The following ECE1 variants were observed in gnomAD, a reference collection of about 807,000 sequenced individuals.
The protein encoded by ECE1 is endothelin converting enzyme 1, also known as endothelin-converting enzyme 1.
In ECE1, 35 loss-of-function variants were observed where a neutral mutation model predicts 98.6. The observed-to-expected ratio is 0.35, with a 90% confidence interval of 0.27 to 0.47. The LOEUF (loss-of-function observed/expected upper bound fraction) is 0.47, where lower values mean the gene tolerates loss of function less well. Among genes scored for constraint, ECE1 ranks in the 20% least tolerant of loss-of-function variants. The pLI is 1.00. For missense variants in ECE1, 814 were observed against 1,025.3 expected, an observed-to-expected ratio of 0.79 and a Z score of 2.81; for synonymous variants, 394 against 407.1, an observed-to-expected ratio of 0.97 and a Z score of 0.39.
chr1:21,245,183 G>T, intron 9 of ECE1, 80 bp from the exon 10 acceptor site: 1 of 1,321,238 alleles, frequency 7.6e-7, no homozygotes, highest in Non-Finnish European at 1.1e-6. Flanking sequence ...GGCCCCTAGG[G>T]GGCTCTCAAA....
chr1:21,325,666 G>A (rs1329299377), intron 1 of ECE1, among the ~76,000 whole-genome samples: 1 of 152,226 alleles, frequency 6.6e-6, no homozygotes, highest in Non-Finnish European at 1.5e-5. Context: ...GGACACAATA[G>A]GACCCACTTC....
chr1:21,239,319 C>T (rs2098192772), intron 10 of ECE1, among the ~76,000 whole-genome samples: 2 of 152,216 alleles, frequency 1.3e-5, no homozygotes, highest in African/African-American at 4.8e-5. Flanking sequence ...CCTCTGTGGA[C>T]AGTATATATG....
intron 1 of ECE1, among the ~76,000 whole-genome samples, chr1:21,337,275 G>A (rs1639321326): frequency 6.6e-6 from 1 of 152,184 alleles, no homozygotes; most frequent in South Asian, 2.1e-4. Context: ...TGGTACAGGC[G>A]ACACGGACAA....
At chr1:21,243,470 C>T (rs1049537992) in intron 10 of ECE1, among the ~76,000 whole-genome samples, 2 of 151,946 alleles carry the variant, frequency 1.3e-5, no homozygotes, top group African/African-American at 2.4e-5. Flanking sequence ...CCACCTGTCT[C>T]GGCCTCTCAA....
intron 1 of ECE1, among the ~76,000 whole-genome samples, chr1:21,297,218 G>A (rs963799884): frequency 1.3e-5 from 2 of 152,200 alleles, no homozygotes; most frequent in Non-Finnish European, 2.9e-5. Flanking sequence ...GCCCTGGGGG[G>A]CACCGGGAAT....
In ECE1 at chr1:21,258,187, C is replaced by T. The variant is rs1467073541; in HGVS notation, c.762+506G>A. 6.6e-6 allele frequency among the ~76,000 whole-genome samples: 1 copy of T among 152,100 alleles called. No homozygotes were observed. Among genetic ancestry groups the T allele is most frequent in the Non-Finnish European group, 1.5e-5 (1 of 68,034 alleles). ...AGCTCTGAGAGGTTGAGGCACTTGC[C>T]CAAGGTCACACAGTGACTGAATGGT... is the stretch of plus-strand genomic sequence containing the variant. On this transcript the variant is annotated intron_variant, in intron 6 of 18. Transcript: ENST00000374893. This position sits in a 1 kb window ranked among gnomAD's most constrained non-coding sequence, Gnocchi z 4.2.
At chr1:21,302,433 C>T (rs1638506028) in intron 1 of ECE1, among the ~76,000 whole-genome samples, 1 of 152,194 alleles carries the variant, frequency 6.6e-6, no homozygotes, top group South Asian at 2.1e-4. Context: ...GATAACAGCT[C>T]ATATCTCAGA....
chr1:21,225,172 C>T lies in ECE1; in HGVS notation c.2040+78G>A, dbSNP rs536640742. Reference sequence around the variant, plus strand: ...GGCTGCTGCGCCTGCCCTGGTTGTCCGTGATGATCCTCTACGGACAGGCAT... The same window carrying T: ...GGCTGCTGCGCCTGCCCTGGTTGTCTGTGATGATCCTCTACGGACAGGCAT... On this transcript the variant is annotated intron_variant, in intron 17 of 18. Transcript: ENST00000374893. The surrounding 1 kb of genome is among the most constrained non-coding windows in gnomAD (Gnocchi z 5.3). The T allele has an allele frequency of 3.1e-4, 480 of 1,562,100 alleles. No individual in the cohort carries two copies. Among genetic ancestry groups the T allele is most frequent in the Non-Finnish European group, 4.0e-4 (453 of 1,144,552 alleles).
intron 1 of ECE1, among the ~76,000 whole-genome samples, chr1:21,321,326 C>T (rs1298847080): frequency 1.3e-5 from 2 of 152,180 alleles, no homozygotes; most frequent in Non-Finnish European, 2.9e-5. Context: ...GGAAGATACA[C>T]AAAGAGGGGC....
intron 2 of ECE1, among the ~76,000 whole-genome samples, chr1:21,281,051 G>A (rs2098253876): frequency 6.6e-6 from 1 of 152,170 alleles, no homozygotes; most frequent in African/African-American, 2.4e-5. Flanking sequence ...TTAGCCAGGA[G>A]TGGTGACAGG....
chr1:21,222,313 C>G (rs2098168551), intron 17 of ECE1, among the ~76,000 whole-genome samples: 1 of 152,180 alleles, frequency 6.6e-6, no homozygotes, highest in Non-Finnish European at 1.5e-5. Flanking sequence ...CTCCGCTCCC[C>G]CTTCCCATTG....
rs765051785 is a variant in ECE1, at chr1:21,219,656, T to C, written c.*299A>G. 1 of 472,112 alleles carries C rather than the reference T, an allele frequency of 2.1e-6. No individual in the cohort carries two copies. Among genetic ancestry groups the C allele is most frequent in the South Asian group, 2.7e-5 (1 of 37,334 alleles). 29.2% of individuals were successfully genotyped at this position (472,112 alleles called of 1,614,324 possible). A position where few individuals can be genotyped will look rare whatever the true frequency, so the allele number is the denominator to read the frequency against. ...AAAGCATTTGACACAGTGGTATTTGTGGCGTATCTGGCGCTTGTCAGTGTG... is the reference window on the plus strand; with the variant it reads ...AAAGCATTTGACACAGTGGTATTTGCGGCGTATCTGGCGCTTGTCAGTGTG... On this transcript the variant is annotated 3_prime_UTR_variant, in exon 19 of 19. Coordinates refer to ENST00000374893, the MANE Select transcript of ECE1 (RefSeq NM_001397.3). The surrounding 1 kb of genome is among the most constrained non-coding windows in gnomAD (Gnocchi z 4.5).
intron 10 of ECE1, among the ~76,000 whole-genome samples, chr1:21,239,305 C>A (rs1385643654): frequency 2.0e-5 from 3 of 152,250 alleles, no homozygotes; most frequent in African/African-American, 7.2e-5. Flanking sequence ...CCCGGCCAGG[C>A]ATCCCTCTGT....
chr1:21,273,619 C>T (rs1212721456), intron 3 of ECE1, among the ~76,000 whole-genome samples: 3 of 152,138 alleles, frequency 2.0e-5, no homozygotes, highest in Admixed American at 2.0e-4. Flanking sequence ...TAGGAAAAAT[C>T]ACTCCTACGT....
chr1:21,305,669 C>T (rs538686298), intron 1 of ECE1, among the ~76,000 whole-genome samples: 4 of 152,060 alleles, frequency 2.6e-5, no homozygotes, highest in African/African-American at 4.8e-5. Context: ...CATTTCAGTT[C>T]GTGAGAGTGG....
rs189491035 is a variant in ECE1, at chr1:21,275,065, T to C, written c.281-2154A>G. Reference sequence around the variant, plus strand: ...CTCCATACTTAGAGAAGGAAAAGAATACCTATTGTTTTCACACATCGAACC... The same window carrying C: ...CTCCATACTTAGAGAAGGAAAAGAACACCTATTGTTTTCACACATCGAACC... On this transcript the variant is annotated intron_variant, in intron 3 of 18. Transcript: ENST00000374893. Among the ~76,000 whole-genome samples, 225 of 152,270 alleles carry C rather than the reference T, an allele frequency of 1.5e-3. 2 individuals are homozygous for C. The highest frequency in any genetic ancestry group is 4.6e-3 in the African/African-American group (193 of 41,562).
intron 2 of ECE1, chr1:21,279,656 C>G: frequency 7.1e-7 from 1 of 1,416,264 alleles, no homozygotes; most frequent in Non-Finnish European, 9.2e-7. Flanking sequence ...CAAAAAAGAA[C>G]AGGATGTTTG....
At chr1:21,297,530 C>CTTTCTTT (rs1553368032) in intron 1 of ECE1, among the ~76,000 whole-genome samples, 1 of 116,194 alleles carries the variant, frequency 8.6e-6, no homozygotes, top group Non-Finnish European at 1.8e-5. Context: ...TTTTCTTTTT[C>CTTTCTTT]TTTTTTTTTT....
intron 4 of ECE1, among the ~76,000 whole-genome samples, chr1:21,261,407 T>C (rs889825978): frequency 7.2e-5 from 11 of 152,164 alleles, no homozygotes; most frequent in African/African-American, 2.2e-4. Context: ...GCTTACTCTA[T>C]GCTAGGCCCT....
Sources: gnomAD v4.1 joint callset for allele counts (sites outside exome capture counted in the v4.1 genomes callset) on GRCh38, gnomAD v4.1.1 for gene constraint, Gnocchi (gnomAD v3.1) non-coding constraint, MANE v1.5 for transcripts, NCBI Gene and HGNC (gene_info 2026-07-23, HGNC 2026-07-21) for gene names.